Variants in CDH4 observed in about 807,000 individuals in gnomAD.
CDH4 encodes cadherin-4.
A neutral mutation model predicts 86.0 loss-of-function variants in CDH4; 33 were observed. The ratio of observed to expected loss-of-function variants is 0.38; its 90% CI spans 0.29 to 0.51. The LOEUF is 0.51. Ranked by LOEUF, CDH4 falls within the 20% of genes least tolerant of loss-of-function variation. The pLI is 0.86. For missense variants in CDH4, 1,114 were observed against 1,307.4 expected, an observed-to-expected ratio of 0.85 and a Z score of 2.28; for synonymous variants, 555 against 549.4, an observed-to-expected ratio of 1.01 and a Z score of -0.14.
chr20:61,686,916 A>G (rs557394224), intron 2 of CDH4, among the ~76,000 whole-genome samples: 5 of 152,084 alleles, frequency 3.3e-5, no homozygotes, highest in Non-Finnish European at 7.4e-5. Context: ...AGTCAGGTTA[A>G]AGCTTCCCCT....
chr20:61,802,252 G>A (rs375061700), intron 4 of CDH4, among the ~76,000 whole-genome samples: 2 of 152,230 alleles, frequency 1.3e-5, no homozygotes, highest in African/African-American at 2.4e-5. Flanking sequence ...TCTGTTCCCA[G>A]CAGAGACAAC....
chr20:61,566,687 C>T (rs1441647013), intron 2 of CDH4, among the ~76,000 whole-genome samples: 2 of 152,228 alleles, frequency 1.3e-5, no homozygotes, highest in East Asian at 3.9e-4. Context: ...ACCCAAACTT[C>T]ACTAAATCAC....
chr20:61,520,764 AC>A (rs1236519837), intron 2 of CDH4, among the ~76,000 whole-genome samples: 1 of 151,864 alleles, frequency 6.6e-6, no homozygotes, highest in African/African-American at 2.4e-5. Context: ...AGACTTAACA[AC>A]CCCCCGTACT....
intron 4 of CDH4, among the ~76,000 whole-genome samples, chr20:61,799,771 G>A (rs1034337743): frequency 3.3e-5 from 5 of 152,176 alleles, no homozygotes; most frequent in Non-Finnish European, 7.4e-5. Context: ...GCGTGGGCCC[G>A]GTCACAGCGG....
chr20:61,763,558 G>C (rs1296629673), intron 3 of CDH4, among the ~76,000 whole-genome samples: 1 of 152,200 alleles, frequency 6.6e-6, no homozygotes, highest in East Asian at 1.9e-4. Flanking sequence ...AGTGGGACCT[G>C]CTATCTGCAT....
At chr20:61,332,497 A>G (rs1003192108) in intron 2 of CDH4, among the ~76,000 whole-genome samples, 6 of 152,232 alleles carry the variant, frequency 3.9e-5, no homozygotes, top group African/African-American at 1.4e-4. Context: ...TTTCTGATCT[A>G]CGGTAGGGGG....
At chr20:61,462,671 C>T (rs1309419478) in intron 2 of CDH4, among the ~76,000 whole-genome samples, 1 of 152,172 alleles carries the variant, frequency 6.6e-6, no homozygotes, top group African/African-American at 2.4e-5. Context: ...ATTGGGGCTC[C>T]CCCCTCTCCC....
At chr20:61,262,014 G>C (rs762062690) in intron 2 of CDH4, among the ~76,000 whole-genome samples, 35 of 152,192 alleles carry the variant, frequency 2.3e-4, no homozygotes, top group South Asian at 6.2e-4. Flanking sequence ...TGGGGAAGCC[G>C]GGCAGAGAGG....
At chr20:61,871,921 C>G (rs566296081) in intron 6 of CDH4, among the ~76,000 whole-genome samples, 2 of 152,348 alleles carry the variant, frequency 1.3e-5, no homozygotes, top group South Asian at 4.1e-4. Flanking sequence ...CTGAAGCAAA[C>G]TCCTAGTCAG....
chr20:61,691,464 T>A (rs1023221788), intron 2 of CDH4, among the ~76,000 whole-genome samples: 3 of 152,108 alleles, frequency 2.0e-5, no homozygotes, highest in East Asian at 1.9e-4. Context: ...TGTGTGCATG[T>A]GTAGTGTGTG....
chr20:61,527,790 A>C (rs2085921704), intron 2 of CDH4, among the ~76,000 whole-genome samples: 1 of 151,538 alleles, frequency 6.6e-6, no homozygotes, highest in African/African-American at 2.4e-5. Context: ...TTCCAGAGGC[A>C]TCTCGGGTGG....
chr20:61,474,548 T>G, intron 2 of CDH4, among the ~76,000 whole-genome samples: 1 of 152,004 alleles, frequency 6.6e-6, no homozygotes, highest in Non-Finnish European at 1.5e-5. Context: ...ATATCATTGA[T>G]TCATGTGGGC....
intron 2 of CDH4, among the ~76,000 whole-genome samples, chr20:61,563,963 A>G (rs2086242338): frequency 6.6e-6 from 1 of 152,028 alleles, no homozygotes; most frequent in Admixed American, 6.6e-5. Flanking sequence ...TTGGCCTCTC[A>G]ACCTACCCAG....
intron 2 of CDH4, among the ~76,000 whole-genome samples, chr20:61,359,807 C>T (rs559697522): frequency 1.3e-5 from 2 of 152,264 alleles, no homozygotes; most frequent in African/African-American, 2.4e-5. Context: ...AGAGGCTTCA[C>T]CCCAGCGAGA....
At chr20:61,873,976 G>T in intron 7 of CDH4, 76 bp downstream of exon 7, 2 of 1,519,296 alleles carry the variant, frequency 1.3e-6, no homozygotes, top group Non-Finnish European at 1.8e-6. Flanking sequence ...CCCTCGGGGA[G>T]CCTCTCCAGT....
At chr20:61,804,689 G>A (rs1980032443) in intron 4 of CDH4, among the ~76,000 whole-genome samples, 1 of 152,226 alleles carries the variant, frequency 6.6e-6, no homozygotes, top group South Asian at 2.1e-4. Flanking sequence ...GGGAGGGAGT[G>A]GCCGTAGCCT....
intron 2 of CDH4, among the ~76,000 whole-genome samples, chr20:61,432,032 A>G (rs1410866413): frequency 2.6e-5 from 4 of 152,172 alleles, no homozygotes; most frequent in Non-Finnish European, 5.9e-5. Flanking sequence ...CATTCTCTGT[A>G]TCCGTTCCCC....
rs1476810578 is a variant in CDH4, at chr20:61,377,595, G to A, written c.169+122658G>A. ...GGTGCTTTTCTGTAGTCAACGAGTC[G>A]CTTTAGCTTTCAAACAACTGTAGTG... On this transcript the variant is annotated intron_variant, in intron 2 of 15. Transcript: ENST00000614565. The surrounding 1 kb of genome is among the most constrained non-coding windows in gnomAD (Gnocchi z 4.0). Among the ~76,000 whole-genome samples, 3 of 152,166 alleles carry A rather than the reference G, an allele frequency of 2.0e-5. No homozygotes were observed. Among genetic ancestry groups the A allele is most frequent in the South Asian group, 2.1e-4 (1 of 4,832 alleles).
At chr20:61,772,572 T>C (rs899729608) in intron 3 of CDH4, among the ~76,000 whole-genome samples, 1 of 152,254 alleles carries the variant, frequency 6.6e-6, no homozygotes, top group African/African-American at 2.4e-5. Context: ...GTCAAATTGT[T>C]GTAAATCATA....
Sources: gnomAD v4.1 joint callset for allele counts (sites outside exome capture counted in the v4.1 genomes callset) on GRCh38, gnomAD v4.1.1 for gene constraint, Gnocchi (gnomAD v3.1) non-coding constraint, MANE v1.5 for transcripts, NCBI Gene and HGNC (gene_info 2026-07-23, HGNC 2026-07-21) for gene names.